The following FHIP1A variants were observed in gnomAD, a reference collection of about 807,000 sequenced individuals.
FHIP1A encodes FHF complex subunit HOOK interacting protein 1A.
A neutral mutation model predicts 88.6 loss-of-function variants in FHIP1A; 61 were observed. The ratio of observed to expected loss-of-function variants is 0.69; its 90% CI spans 0.56 to 0.85. FHIP1A has a LOEUF of 0.85. Among genes scored for constraint, FHIP1A ranks in the 40% least tolerant of loss-of-function variants. FHIP1A has a pLI of 0.00. For synonymous variants in FHIP1A, 478 were observed against 496.0 expected, an observed-to-expected ratio of 0.96 and a Z score of 0.48; for missense variants, 1,154 against 1,273.5, an observed-to-expected ratio of 0.91 and a Z score of 1.43.
rs377622063 is a variant in FHIP1A at position 151,521,429 on chromosome 4, C to A, written c.-123+38781C>A. ...CATTTACCATAACAACAATTAATAT[C>A]TGTGATGGAAGGACTACTATACTGG... On this transcript the variant is annotated intron_variant, in intron 3 of 13. Transcript: ENST00000435205. 3.9e-5 allele frequency among the ~76,000 whole-genome samples: 6 copies of A among 152,182 alleles called. No individual in the cohort carries two copies. In the South Asian group the frequency reaches 6.2e-4, roughly 16 times the overall value.
intron 1 of FHIP1A, among the ~76,000 whole-genome samples, chr4:151,448,908 T>C (rs1442841122): frequency 6.6e-6 from 1 of 152,194 alleles, no homozygotes; most frequent in Non-Finnish European, 1.5e-5. Context: ...GCTGTACTAT[T>C]TTACATTCCT....
intron 7 of FHIP1A, among the ~76,000 whole-genome samples, chr4:151,590,614 A>G (rs923150646): frequency 6.6e-6 from 1 of 152,220 alleles, no homozygotes; most frequent in Non-Finnish European, 1.5e-5. Flanking sequence ...GATATCTCCA[A>G]TGCTGAGCAC....
chr4:151,662,370 A>G (rs915573336), intron 13 of FHIP1A, 131 bp from the exon 14 acceptor site: 7 of 918,190 alleles, frequency 7.6e-6, no homozygotes, highest in Non-Finnish European at 1.1e-5. Flanking sequence ...TTCAGGATTT[A>G]GTCCGTTATA....
intron 3 of FHIP1A, among the ~76,000 whole-genome samples, chr4:151,499,852 C>T (rs567235581): frequency 2.6e-5 from 4 of 152,204 alleles, no homozygotes; most frequent in East Asian, 1.9e-4. Context: ...TGAGAGTAAC[C>T]GCCTCCCGTG....
chr4:151,585,160 A>G (rs1413551836), intron 5 of FHIP1A, among the ~76,000 whole-genome samples: 1 of 151,688 alleles, frequency 6.6e-6, no homozygotes, highest in Non-Finnish European at 1.5e-5. Flanking sequence ...TTTGTGCTAG[A>G]GCAAAGCCTT....
At chr4:151,589,075 G>C in intron 7 of FHIP1A, 149 bp downstream of exon 7, 1 of 642,898 alleles carries the variant, frequency 1.6e-6, no homozygotes. Flanking sequence ...TCAAACACAG[G>C]TATTAAAATG....
At chr4:151,581,166 CA>C (rs1352559357) in intron 5 of FHIP1A, among the ~76,000 whole-genome samples, 2 of 152,118 alleles carry the variant, frequency 1.3e-5, no homozygotes, top group Non-Finnish European at 2.9e-5. Flanking sequence ...CCAGAGTTTA[CA>C]TAAAATTTTA....
chr4:151,477,546 C>T (rs965268546), intron 2 of FHIP1A, among the ~76,000 whole-genome samples: 4 of 151,872 alleles, frequency 2.6e-5, no homozygotes, highest in African/African-American at 9.7e-5. Flanking sequence ...TGAGTAGCTT[C>T]TGCATACTTC....
At chr4:151,527,277 C>T (rs1318845177) in intron 3 of FHIP1A, among the ~76,000 whole-genome samples, 2 of 152,288 alleles carry the variant, frequency 1.3e-5, no homozygotes, top group African/African-American at 2.4e-5. Context: ...ATCCCGGCAC[C>T]TCGGGAGGCC....
chr4:151,432,327 G>A (rs1245758146), intron 1 of FHIP1A, among the ~76,000 whole-genome samples: 1 of 152,182 alleles, frequency 6.6e-6, no homozygotes, highest in East Asian at 1.9e-4. Context: ...TAGGACTGAG[G>A]TAGACACTAG....
chr4:151,444,038 G>C (rs778405862), intron 1 of FHIP1A, among the ~76,000 whole-genome samples: 3 of 151,942 alleles, frequency 2.0e-5, no homozygotes, highest in Non-Finnish European at 4.4e-5. Flanking sequence ...TCTGAGCCCA[G>C]AGCCTCCCCA....
At chr4:151,570,815 A>G (rs965806253) in intron 4 of FHIP1A, among the ~76,000 whole-genome samples, 1 of 152,208 alleles carries the variant, frequency 6.6e-6, no homozygotes, top group Non-Finnish European at 1.5e-5. Context: ...AACTTAGGAA[A>G]CAGCTTTCAA....
At chr4:151,459,194 C>T (rs1001822418) in intron 2 of FHIP1A, among the ~76,000 whole-genome samples, 5 of 151,892 alleles carry the variant, frequency 3.3e-5, no homozygotes, top group Non-Finnish European at 7.4e-5. Flanking sequence ...TATATATACA[C>T]ACACGTGCAC....
chr4:151,554,182 G>A (rs1171359425), intron 3 of FHIP1A, among the ~76,000 whole-genome samples: 1 of 152,184 alleles, frequency 6.6e-6, no homozygotes, highest in Non-Finnish European at 1.5e-5. Context: ...GTGGTTGTAA[G>A]AATTGAATAG....
chr4:151,662,848 C>T lies in FHIP1A; in HGVS notation c.*94C>T. 2.5e-6 allele frequency: 3 copies of T among 1,184,250 alleles called. No homozygotes were observed. Among genetic ancestry groups the T allele is most frequent in the Non-Finnish European group, 3.4e-6 (3 of 881,038 alleles). 73.4% of individuals were successfully genotyped at this position (1,184,250 alleles called of 1,614,324 possible). On this transcript the variant is annotated 3_prime_UTR_variant, in exon 14 of 14. Transcript: ENST00000435205. ...GCAAAGCTGCTTACAAAGATTTCTA[C>T]TTTAATGTTTCCTGACAATACTTGA...
chr4:151,499,255 T>C (rs1253672999), intron 3 of FHIP1A, among the ~76,000 whole-genome samples: 2 of 152,206 alleles, frequency 1.3e-5, no homozygotes, highest in Admixed American at 6.5e-5. Flanking sequence ...TTTTTTTGCC[T>C]ACTTGTTTCC....
At position 151,566,152 on chromosome 4, in the gene FHIP1A, C is replaced by A; in HGVS notation, c.-108C>A. Reference sequence around the variant, plus strand: ...TGCCATTACAGGTTTTGGAAGGTGACAATGAAATGTGAAGAAGTTACATTT... The same window carrying A: ...TGCCATTACAGGTTTTGGAAGGTGAAAATGAAATGTGAAGAAGTTACATTT... On this transcript the variant is annotated 5_prime_UTR_variant, in exon 4 of 14. Transcript: ENST00000435205. The A allele has an allele frequency of 1.7e-6, 1 of 589,266 alleles. No individual in the cohort carries two copies. The highest frequency in any genetic ancestry group is 2.9e-6 in the Non-Finnish European group (1 of 341,636). 36.5% of individuals were successfully genotyped at this position (589,266 alleles called of 1,614,324 possible). A position where few individuals can be genotyped will look rare whatever the true frequency, so the allele number is the denominator to read the frequency against.
At chr4:151,571,034 C>CATTA (rs1243491247) in intron 4 of FHIP1A, among the ~76,000 whole-genome samples, 2 of 152,148 alleles carry the variant, frequency 1.3e-5, no homozygotes, top group Non-Finnish European at 2.9e-5. Flanking sequence ...TAGTAAGAAG[C>CATTA]ATTAGCCCAC....
intron 3 of FHIP1A, among the ~76,000 whole-genome samples, chr4:151,547,849 G>C (rs1732565015): frequency 1.3e-5 from 2 of 152,036 alleles, no homozygotes. Flanking sequence ...GGGAGGTAGA[G>C]GTTGCAGTGA....
Sources: allele counts gnomAD v4.1 joint callset (sites outside exome capture counted in the v4.1 genomes callset), GRCh38; gene constraint gnomAD v4.1.1; transcripts MANE v1.5; gene names NCBI Gene and HGNC (gene_info 2026-07-23, HGNC 2026-07-21).